GAK: variants seen among roughly 807,000 people sequenced by gnomAD.
The protein encoded by GAK is cyclin-G-associated kinase.
A neutral mutation model predicts 143.9 loss-of-function variants in GAK; 79 were observed. The ratio of observed to expected loss-of-function variants is 0.55; its 90% CI spans 0.46 to 0.66. The LOEUF (loss-of-function observed/expected upper bound fraction) is 0.66, where lower values mean the gene tolerates loss of function less well. Ranked by LOEUF, GAK falls within the 30% of genes least tolerant of loss-of-function variation. The pLI is 0.00. For synonymous variants in GAK, 881 were observed against 765.5 expected (o/e 1.15, Z -2.49); for missense variants, 1,693 against 1,779.7 (o/e 0.95, Z 0.88).
At position 889,815 on chromosome 4, in the gene GAK, C is replaced by T. The variant is rs1246132404; in HGVS notation, c.1081+717G>A. ...CACCCGGAACCTTCTGGAACACTCC[C>T]GGCACGGAGTTCCAAGAGCATGCAG... On this transcript the variant is annotated intron_variant, in intron 10 of 27. Transcript: ENST00000314167. Among the ~76,000 whole-genome samples the T allele has an allele frequency of 3.3e-5, 5 of 152,336 alleles. No homozygotes were observed. The South Asian group carries it at 8.3e-4, about 25-fold the overall frequency.
intron 11 of GAK, among the ~76,000 whole-genome samples, chr4:885,558 C>T (rs1294822417): frequency 6.6e-6 from 1 of 152,190 alleles, no homozygotes; most frequent in Non-Finnish European, 1.5e-5. Context: ...AGGCCTCAGG[C>T]ACGTGTACCA....
At chr4:912,159 C>G (rs1346901986) in intron 3 of GAK, 1 of 459,608 alleles carries the variant, frequency 2.2e-6, no homozygotes, top group Non-Finnish European at 4.4e-6. Context: ...CCGGCGGGCT[C>G]TCCGAGTGAA....
rs745686933 is a variant in GAK, at chr4:898,054, C to T, written c.630G>A (p.Arg210=). The T allele has an allele frequency of 3.1e-6, 5 of 1,613,818 alleles. No individual in the cohort carries two copies. Among genetic ancestry groups the T allele is most frequent in the Non-Finnish European group, 4.2e-6 (5 of 1,179,952 alleles). Residue 210 remains arginine (R), a synonymous_variant, in exon 6 of 28, where the codon AGG becomes AGA. Coordinates refer to ENST00000314167, the MANE Select transcript of GAK (RefSeq NM_005255.4). Reference sequence around the variant, plus strand: ...TCACCTCTTCCTCCACCAGGGCTCGCCTCTGGGCGCTCCAGCTGTAGTCAG... The same window carrying T: ...TCACCTCTTCCTCCACCAGGGCTCGTCTCTGGGCGCTCCAGCTGTAGTCAG... ...HYPDYSWSAQ[R]RALVEEEITR...
chr4:850,039 C>T lies in GAK; in HGVS notation c.3687G>A (p.Arg1229=), dbSNP rs1400745725. 5.0e-6 allele frequency: 8 copies of T among 1,595,980 alleles called. No homozygotes were observed. The highest frequency in any genetic ancestry group is 1.1e-5 in the South Asian group (1 of 89,458). The change falls in exon 27 of 28, where the codon CGG becomes CGA. Residue 1229 remains arginine (R), a synonymous_variant. Transcript: ENST00000314167. ...GCGTGGACAGCAGGGCCCGGATGTTCCGCTCCTTGCCCTCAATCCAGTCCA... is the reference window on the plus strand; with the variant it reads ...GCGTGGACAGCAGGGCCCGGATGTTTCGCTCCTTGCCCTCAATCCAGTCCA... ...KLLDWIEGKE[R]NIRALLSTLH...
At chr4:918,242 AC>A (rs1654260323) in intron 1 of GAK, among the ~76,000 whole-genome samples, 1 of 152,266 alleles carries the variant, frequency 6.6e-6, no homozygotes, top group South Asian at 2.1e-4. Context: ...TGGATCACCA[AC>A]AAAATTTAGA....
chr4:910,170 G>A (rs1230811622), intron 4 of GAK, among the ~76,000 whole-genome samples: 1 of 152,154 alleles, frequency 6.6e-6, no homozygotes, highest in East Asian at 1.9e-4. Flanking sequence ...AAGAGACCCT[G>A]CCCAACAGGG....
chr4:901,774 G>A (rs534170630), intron 5 of GAK, among the ~76,000 whole-genome samples: 2 of 152,358 alleles, frequency 1.3e-5, no homozygotes, highest in East Asian at 3.9e-4. Context: ...GGGGAGCCAA[G>A]GACAGCACAG....
chr4:895,083 G>C (rs542701570), intron 7 of GAK, among the ~76,000 whole-genome samples: 2 of 152,228 alleles, frequency 1.3e-5, no homozygotes, highest in African/African-American at 4.8e-5. Flanking sequence ...GGTGGGACCA[G>C]CACAGACCCT....
chr4:855,198 G>A (rs1358169052), intron 24 of GAK, among the ~76,000 whole-genome samples: 1 of 152,154 alleles, frequency 6.6e-6, no homozygotes, highest in Non-Finnish European at 1.5e-5. Context: ...TTACTCGGGA[G>A]CCTCCAGGCC....
intron 2 of GAK, 77 bp from the exon 3 acceptor site, chr4:912,871 A>C: frequency 2.4e-6 from 3 of 1,247,100 alleles, no homozygotes; most frequent in Admixed American, 1.7e-5. Flanking sequence ...CATCTCAGAC[A>C]TAAGCACGCA....
At chr4:894,054 G>A in intron 7 of GAK, 45 bp from the exon 8 acceptor site, 1 of 1,516,220 alleles carries the variant, frequency 6.6e-7, no homozygotes, top group Non-Finnish European at 8.9e-7. Flanking sequence ...GGGGAGCGCA[G>A]GGGTGACGCC....
intron 13 of GAK, 141 bp downstream of exon 13, chr4:883,174 T>C: frequency 1.0e-6 from 1 of 980,078 alleles, no homozygotes; most frequent in Non-Finnish European, 1.5e-6. Flanking sequence ...CCCCCTCCTG[T>C]CCCACGCTCT....
intron 23 of GAK, among the ~76,000 whole-genome samples, chr4:860,347 CAAA>C (rs35426588): frequency 7.4e-6 from 1 of 135,068 alleles, no homozygotes; most frequent in Admixed American, 7.5e-5. Context: ...CACTCTGTCT[CAAA>C]AAAAAAAAAA....
intron 4 of GAK, among the ~76,000 whole-genome samples, chr4:907,457 C>T (rs1721280833): frequency 1.3e-5 from 2 of 152,202 alleles, no homozygotes; most frequent in Admixed American, 6.5e-5. Context: ...AGGCCAGGCC[C>T]GGGGAGTCAG....
At chr4:861,885 C>T (rs547537475) in intron 23 of GAK, among the ~76,000 whole-genome samples, 1 of 152,338 alleles carries the variant, frequency 6.6e-6, no homozygotes, top group East Asian at 1.9e-4. Context: ...GGTCTCAACT[C>T]TTTCAATTCT....
At chr4:904,498 G>T (rs548004354) in intron 5 of GAK, 139 bp downstream of exon 5, 1 of 773,626 alleles carries the variant, frequency 1.3e-6, no homozygotes, top group African/African-American at 1.9e-5. Flanking sequence ...GATGATGGGC[G>T]GCTCCTAACC....
chr4:884,001 C>T lies in GAK; in HGVS notation c.1255+36G>A, dbSNP rs117902586. On this transcript the variant is annotated intron_variant, in intron 12 of 27. Transcript: ENST00000314167. ...ACTCACTGGGCACACAGGGAAGGGC[C>T]GGGGCGCGTCCCACAGCCTCATGTG... The T allele has an allele frequency of 4.5e-4, 724 of 1,598,946 alleles. 1 individual carries two copies. In the East Asian group the frequency reaches 6.0e-3, roughly 13 times the overall value.
chr4:896,680 C>G lies in GAK; in HGVS notation c.652-131G>C, dbSNP rs1003820028. 7 of 725,076 alleles carry G rather than the reference C, an allele frequency of 9.7e-6. No homozygotes were observed. In the South Asian group the frequency reaches 1.1e-4, roughly 12 times the overall value. 44.9% of individuals were successfully genotyped at this position (725,076 alleles called of 1,614,324 possible). The stretch of plus-strand genomic sequence containing the variant: ...GCAGCCTGTCCCGCACACTATGCCC[C>G]GGGATGACCTCAGGCCAGTCGGCCC... On this transcript the variant is annotated intron_variant, in intron 6 of 27. Coordinates refer to ENST00000314167, the MANE Select transcript of GAK (RefSeq NM_005255.4).
chr4:851,066 G>A lies in GAK; in HGVS notation c.3527C>T (p.Ser1176Phe), dbSNP rs1166289535. The A allele has an allele frequency of 6.2e-7, 1 of 1,613,648 alleles. No individual in the cohort carries two copies. Among genetic ancestry groups the A allele is most frequent in the East Asian group, 2.2e-5 (1 of 44,888 alleles). ...CAACAGATCTTCAAAGTCGTTCTCA[G>A]AGACTTTTGGCTTTTGAGCTAGAAA... The part of the protein sequence containing the change: ...APSFAQKPKV[S>F]ENDFEDLLSN... Residue 1176 changes from serine (S) to phenylalanine (F), a missense_variant, in exon 26 of 28, where the codon TCT becomes TTT. By Grantham distance (155) the Ser-to-Phe change is radical. Coordinates refer to ENST00000314167, the MANE Select transcript of GAK (RefSeq NM_005255.4).
Sources: gnomAD v4.1 joint callset for allele counts (sites outside exome capture counted in the v4.1 genomes callset) on GRCh38, gnomAD v4.1.1 for gene constraint, MANE v1.5 for transcripts, NCBI Gene and HGNC (gene_info 2026-07-23, HGNC 2026-07-21) for gene names.